The following ARHGAP42 variants were observed in gnomAD, a reference collection of about 807,000 sequenced individuals.
ARHGAP42 encodes the protein rho GTPase-activating protein 42.
A neutral mutation model predicts 125.0 loss-of-function variants in ARHGAP42; 63 were observed. The ratio of observed to expected loss-of-function variants is 0.50; its 90% CI spans 0.41 to 0.62. The LOEUF (loss-of-function observed/expected upper bound fraction) is 0.62. ARHGAP42 is among the 20% of genes least tolerant of loss of function. ARHGAP42 has a pLI of 0.00. For missense variants in ARHGAP42, 766 were observed against 1,024.2 expected (o/e 0.75, Z 3.44); for synonymous variants, 339 against 351.0 (o/e 0.97, Z 0.38).
intron 1 of ARHGAP42, among the ~76,000 whole-genome samples, chr11:100,707,284 G>T (rs1861494715): frequency 6.6e-6 from 1 of 152,036 alleles, no homozygotes; most frequent in South Asian, 2.1e-4. Context: ...GAATTGCTGG[G>T]TCATATAGTA....
At chr11:100,709,859 C>T (rs929106690) in intron 1 of ARHGAP42, among the ~76,000 whole-genome samples, 3 of 152,180 alleles carry the variant, frequency 2.0e-5, no homozygotes, top group African/African-American at 7.2e-5. Flanking sequence ...ATCAGCTATG[C>T]GATTGAATAA....
rs1368787015 is a variant in ARHGAP42 at position 100,992,453 on chromosome 11, G to A, written c.*3652G>A. 6.2e-7 allele frequency: 1 copy of A among 1,613,914 alleles called. No individual in the cohort carries two copies. The highest frequency in any genetic ancestry group is 1.7e-5 in the Admixed American group (1 of 59,990). ...AGGGTACACATTGCTATTTAACTTT[G>A]CCTCCTACCCTTTTTTGTTACCTTC... On this transcript the variant is annotated 3_prime_UTR_variant, in exon 24 of 24. Transcript: ENST00000298815.
intron 1 of ARHGAP42, among the ~76,000 whole-genome samples, chr11:100,761,522 A>T (rs1417757897): frequency 6.6e-6 from 1 of 152,062 alleles, no homozygotes; most frequent in East Asian, 1.9e-4. Flanking sequence ...TTCATTTTTA[A>T]TTTTTATGGA....
chr11:100,905,495 T>C (rs1230362093), intron 4 of ARHGAP42, among the ~76,000 whole-genome samples: 1 of 152,216 alleles, frequency 6.6e-6, no homozygotes, highest in Non-Finnish European at 1.5e-5. Context: ...ATATATATCA[T>C]TTGATTACAT....
intron 2 of ARHGAP42, among the ~76,000 whole-genome samples, chr11:100,771,036 A>G (rs1339699235): frequency 6.7e-6 from 1 of 149,662 alleles, no homozygotes; most frequent in African/African-American, 2.5e-5. Context: ...TATTAAATAT[A>G]CCAGGCACTG....
At chr11:100,730,062 GC>G (rs1861931071) in intron 1 of ARHGAP42, among the ~76,000 whole-genome samples, 1 of 151,960 alleles carries the variant, frequency 6.6e-6, no homozygotes, top group Non-Finnish European at 1.5e-5. Flanking sequence ...ACCTGCCTCG[GC>G]CTCCCAAAGT....
At chr11:100,823,552 A>G (rs1219011578) in intron 3 of ARHGAP42, among the ~76,000 whole-genome samples, 1 of 152,190 alleles carries the variant, frequency 6.6e-6, no homozygotes, top group Non-Finnish European at 1.5e-5. Context: ...TGTCTGGTTG[A>G]GGCTGGTAAT....
intron 4 of ARHGAP42, among the ~76,000 whole-genome samples, chr11:100,875,107 CTGTGTGTGTGTGTGTG>C (rs67247250): frequency 9.6e-4 from 79 of 82,344 alleles, no homozygotes; most frequent in African/African-American, 3.3e-3. Flanking sequence ...CTCTCTCTCT[CTGTGTGTGTGTGTGTG>C]TGTGTGTGTG....
At chr11:100,700,904 T>A (rs1861385175) in intron 1 of ARHGAP42, among the ~76,000 whole-genome samples, 1 of 152,216 alleles carries the variant, frequency 6.6e-6, no homozygotes, top group Non-Finnish European at 1.5e-5. Flanking sequence ...TCCCGAAGGT[T>A]TTCAATGTAC....
chr11:100,802,941 A>G (rs991041535), intron 3 of ARHGAP42, among the ~76,000 whole-genome samples: 10 of 152,180 alleles, frequency 6.6e-5, no homozygotes, highest in Non-Finnish European at 1.0e-4. Context: ...CCCTTTCCAT[A>G]TAGCCTTAGT....
At chr11:100,868,560 AT>A (rs1428153685) in intron 4 of ARHGAP42, among the ~76,000 whole-genome samples, 2 of 152,216 alleles carry the variant, frequency 1.3e-5, no homozygotes, top group African/African-American at 2.4e-5. Context: ...GTAGAGTCAG[AT>A]TTTAAACAGA....
chr11:100,950,259 AATTAT>A (rs1422280880), intron 12 of ARHGAP42, among the ~76,000 whole-genome samples: 14 of 142,196 alleles, frequency 9.8e-5, no homozygotes, highest in Non-Finnish European at 1.9e-4. Flanking sequence ...TATAATATAT[AATTAT>A]ATTATATTTT....
chr11:100,758,083 T>A (rs1473408097), intron 1 of ARHGAP42, among the ~76,000 whole-genome samples: 1 of 152,156 alleles, frequency 6.6e-6, no homozygotes, highest in Non-Finnish European at 1.5e-5. Context: ...GAAAAATCAA[T>A]AAAAATATAA....
intron 9 of ARHGAP42, 57 bp from the exon 10 acceptor site, chr11:100,943,702 A>C (rs569961339): frequency 8.4e-7 from 1 of 1,190,274 alleles, no homozygotes; most frequent in Admixed American, 2.1e-5. Context: ...TCACATATTT[A>C]ATATATTTCA....
At chr11:100,732,781 C>G (rs1861982517) in intron 1 of ARHGAP42, among the ~76,000 whole-genome samples, 1 of 152,200 alleles carries the variant, frequency 6.6e-6, no homozygotes, top group African/African-American at 2.4e-5. Context: ...TACTCCTCTT[C>G]CATCAAACAC....
chr11:100,904,540 C>A (rs1591283877), intron 4 of ARHGAP42, among the ~76,000 whole-genome samples: 1 of 152,274 alleles, frequency 6.6e-6, no homozygotes. Flanking sequence ...AGCCACCATG[C>A]CCGGACTCTC....
At chr11:100,961,835 G>C (rs541057025) in intron 15 of ARHGAP42, 67 bp downstream of exon 15, 4 of 1,322,430 alleles carry the variant, frequency 3.0e-6, no homozygotes, top group Non-Finnish European at 4.2e-6. Context: ...TAGTAACCAC[G>C]TGATTTCTTG....
intron 1 of ARHGAP42, among the ~76,000 whole-genome samples, chr11:100,753,463 T>C (rs1446342729): frequency 6.6e-6 from 1 of 152,230 alleles, no homozygotes; most frequent in Non-Finnish European, 1.5e-5. Context: ...GCCCATCTCC[T>C]GTGCCTGTGG....
At chr11:100,725,942 A>G (rs1861852941) in intron 1 of ARHGAP42, among the ~76,000 whole-genome samples, 1 of 151,184 alleles carries the variant, frequency 6.6e-6, no homozygotes, top group Non-Finnish European at 1.5e-5. Flanking sequence ...CTCAAAAAAA[A>G]AAAAAAAAAG....
Sources: gnomAD v4.1 joint callset for allele counts (sites outside exome capture counted in the v4.1 genomes callset) on GRCh38, gnomAD v4.1.1 for gene constraint, MANE v1.5 for transcripts, NCBI Gene and HGNC (gene_info 2026-07-23, HGNC 2026-07-21) for gene names.